The following ZNF280D variants were observed in gnomAD, a reference collection of about 807,000 sequenced individuals.
ZNF280D encodes suppressor of hairy wing homolog 4.
In ZNF280D, 39 loss-of-function variants were observed where a neutral mutation model predicts 94.7. The observed-to-expected ratio is 0.41, with a 90% CI of 0.32 to 0.54. The LOEUF (loss-of-function observed/expected upper bound fraction) is 0.54. ZNF280D is among the 20% of genes least tolerant of loss of function. The probability of loss-of-function intolerance (pLI) is 0.22; values close to 1 mark genes in which losing one functional copy is unlikely to be tolerated. For synonymous variants in ZNF280D, 398 were observed against 377.6 expected (o/e 1.05, Z -0.63); for missense variants, 1,090 against 1,149.3 (o/e 0.95, Z 0.75).
rs190634746 is a variant in ZNF280D at position 56,707,161 on chromosome 15, A to G, written c.-41-11T>C. On this transcript the variant is annotated splice_polypyrimidine_tract_variant and intron_variant, in intron 2 of 21. Coordinates refer to ENST00000267807, the MANE Select transcript of ZNF280D (RefSeq NM_017661.4). ...ATTGTCACCTAAGTACTGACACATG[A>G]TATCAGTCAATTTAATGAGTCACTT... 22 of 1,612,754 alleles carry G rather than the reference A, an allele frequency of 1.4e-5. No homozygotes were observed. In the East Asian group the frequency reaches 2.9e-4, roughly 21 times the overall value.
intron 1 of ZNF280D, among the ~76,000 whole-genome samples, chr15:56,727,298 A>G (rs376178482): frequency 6.6e-6 from 1 of 152,102 alleles, no homozygotes; most frequent in South Asian, 2.1e-4. Flanking sequence ...CGTCTCTACT[A>G]AAAATACAAA....
chr15:56,635,913 C>T (rs2052329575), intron 20 of ZNF280D: 1 of 152,120 alleles, frequency 6.6e-6, no homozygotes, highest in Non-Finnish European at 1.5e-5. Flanking sequence ...ATTTAATCTA[C>T]ATATTAGATT....
chr15:56,684,435 C>A lies in ZNF280D; in HGVS notation c.781-1958G>T, dbSNP rs535508955. ...AAATTTTAAAAACATAATGAAGCAA[C>A]TGCCTCTATTTGGAAGACCACAAAG... On this transcript the variant is annotated intron_variant, in intron 9 of 21. Transcript: ENST00000267807. Among the ~76,000 whole-genome samples the A allele has an allele frequency of 5.9e-5, 9 of 152,170 alleles. No homozygotes were observed. The East Asian group carries it at 7.7e-4, about 13-fold the overall frequency.
chr15:56,631,949 T>C lies in ZNF280D; in HGVS notation c.2489A>G (p.Asn830Ser). The change falls in exon 22 of 22, where the codon AAT (asparagine) becomes AGT (serine). Residue 830 changes from asparagine to serine, a missense_variant. Around this residue, in one of 3 missense-constraint regions of ZNF280D, gnomAD observed 577 missense variants for 568.8 expected, o/e 1.01. Coordinates refer to ENST00000267807, the MANE Select transcript of ZNF280D (RefSeq NM_017661.4). ...CTTTTCCACTTTATCTGCACCAATATTTGAATCACAACTGACGATGTTTTT... is the reference window on the plus strand; with the variant it reads ...CTTTTCCACTTTATCTGCACCAATACTTGAATCACAACTGACGATGTTTTT... ...GSKNIVSCDS[N>S]IGADKVEKKK... 3 of 1,614,038 alleles carry C rather than the reference T, an allele frequency of 1.9e-6. No individual in the cohort carries two copies. Among genetic ancestry groups the C allele is most frequent in the Non-Finnish European group, 1.7e-6 (2 of 1,180,010 alleles).
chr15:56,721,299 G>A (rs919499783), intron 1 of ZNF280D, among the ~76,000 whole-genome samples: 34 of 152,034 alleles, frequency 2.2e-4, no homozygotes, highest in Non-Finnish European at 4.4e-4. Flanking sequence ...AGGGCCCTAG[G>A]ATTTTCACAA....
chr15:56,725,572 C>A (rs1284224834), intron 1 of ZNF280D, among the ~76,000 whole-genome samples: 2 of 152,110 alleles, frequency 1.3e-5, no homozygotes, highest in Non-Finnish European at 2.9e-5. Flanking sequence ...CTACACTCTT[C>A]TGTTGAAGAA....
intron 19 of ZNF280D, chr15:56,653,711 A>C: frequency 7.5e-7 from 1 of 1,326,264 alleles, no homozygotes; most frequent in Non-Finnish European, 9.6e-7. Context: ...AACAGACAAA[A>C]GACAAACAGC....
chr15:56,714,862 C>T (rs1352529662), intron 1 of ZNF280D, among the ~76,000 whole-genome samples: 1 of 152,044 alleles, frequency 6.6e-6, no homozygotes, highest in African/African-American at 2.4e-5. Context: ...AAATAATATA[C>T]TTATTTTCTT....
chr15:56,687,379 T>C (rs970379576), intron 9 of ZNF280D, among the ~76,000 whole-genome samples: 4 of 152,156 alleles, frequency 2.6e-5, no homozygotes, highest in African/African-American at 7.2e-5. Flanking sequence ...TTGGAGAATG[T>C]TGCCATTCTC....
chr15:56,632,198 T>C (rs1159065984), intron 21 of ZNF280D, 76 bp from the exon 22 acceptor site: 2 of 1,307,338 alleles, frequency 1.5e-6, no homozygotes, highest in Non-Finnish European at 2.0e-6. Context: ...AAAGACGTGT[T>C]CTAAAAAATA....
intron 9 of ZNF280D, among the ~76,000 whole-genome samples, chr15:56,684,003 C>G (rs780351422): frequency 6.6e-6 from 1 of 152,146 alleles, no homozygotes; most frequent in Non-Finnish European, 1.5e-5. Context: ...TTCTGAATCA[C>G]AAGGGTATAT....
chr15:56,709,941 G>A (rs2057662432), intron 1 of ZNF280D, among the ~76,000 whole-genome samples: 1 of 152,086 alleles, frequency 6.6e-6, no homozygotes, highest in African/African-American at 2.4e-5. Context: ...ACACCAACAT[G>A]GCACATGTAT....
intron 3 of ZNF280D, 128 bp from the exon 4 acceptor site, chr15:56,704,395 G>A: frequency 1.1e-6 from 1 of 896,296 alleles, no homozygotes; most frequent in Non-Finnish European, 1.7e-6. Context: ...ATTGATATTT[G>A]TAGTCAGTAT....
chr15:56,701,259 T>G, intron 4 of ZNF280D, 21 bp from the exon 5 acceptor site: 3 of 1,397,454 alleles, frequency 2.1e-6, no homozygotes, highest in South Asian at 2.7e-5. Context: ...TTATATTTAT[T>G]TTAAAATACA....
Position 56,706,136 on chromosome 15 carries a change from T to C in ZNF280D, c.28+946A>G, listed in dbSNP as rs1317391637. On this transcript the variant is annotated intron_variant, in intron 3 of 21. Transcript: ENST00000267807. ...TGGTGTCCTTAATAGAAGAGGAGAT[T>C]AGGACACAGACACAAGCAGAAAAGG... Among the ~76,000 whole-genome samples, 17 of 130,406 alleles carry C rather than the reference T, an allele frequency of 1.3e-4. No individual in the cohort carries two copies. In the Admixed American group the frequency reaches 1.5e-3, roughly 11 times the overall value. 85.6% of individuals were successfully genotyped at this position (130,406 alleles called of 152,430 possible). A position where few individuals can be genotyped will look rare whatever the true frequency, so the allele number is the denominator to read the frequency against.
intron 6 of ZNF280D, among the ~76,000 whole-genome samples, chr15:56,695,077 T>C (rs2056666987): frequency 6.6e-6 from 1 of 152,016 alleles, no homozygotes; most frequent in African/African-American, 2.4e-5. Flanking sequence ...TGTGTGTGTG[T>C]GTGTGTGTGT....
chr15:56,726,620 A>G (rs1276328386), intron 1 of ZNF280D, among the ~76,000 whole-genome samples: 3 of 152,180 alleles, frequency 2.0e-5, no homozygotes, highest in Admixed American at 6.5e-5. Flanking sequence ...TTCATCAATT[A>G]ATCCCAACTA....
At chr15:56,640,941 G>A (rs1053382878) in intron 20 of ZNF280D, among the ~76,000 whole-genome samples, 3 of 151,746 alleles carry the variant, frequency 2.0e-5, no homozygotes, top group Non-Finnish European at 3.0e-5. Context: ...TTAGTGGCTC[G>A]TCTTTGTAAA....
At chr15:56,728,512 T>C (rs905547127) in intron 1 of ZNF280D, among the ~76,000 whole-genome samples, 1 of 152,248 alleles carries the variant, frequency 6.6e-6, no homozygotes, top group East Asian at 1.9e-4. Flanking sequence ...AACAAAATTA[T>C]GAACCATCAA....
Sources: gnomAD v4.1 joint callset for allele counts (sites outside exome capture counted in the v4.1 genomes callset) on GRCh38, gnomAD v4.1.1 for gene constraint, gnomAD v4.1.1 regional missense constraint, MANE v1.5 for transcripts, NCBI Gene and HGNC (gene_info 2026-07-23, HGNC 2026-07-21) for gene names.